Variants in DDR2 observed in about 807,000 individuals in gnomAD.
DDR2 encodes discoidin domain receptor tyrosine kinase 2.
A neutral mutation model predicts 94.9 loss-of-function variants in DDR2; 27 were observed. That is an observed-to-expected ratio of 0.28 (90% CI 0.21 to 0.39). The LOEUF (loss-of-function observed/expected upper bound fraction) is 0.39, where lower values mean the gene tolerates loss of function less well. Ranked by LOEUF, DDR2 falls within the 10% of genes least tolerant of loss-of-function variation. The probability of loss-of-function intolerance (pLI) is 1.00; values close to 1 mark genes in which losing one functional copy is unlikely to be tolerated. For synonymous variants in DDR2, 382 were observed against 377.2 expected (o/e 1.01, Z -0.15); for missense variants, 783 against 1,076.0 (o/e 0.73, Z 3.81).
chr1:162,731,182 T>C (rs778286814), intron 3 of DDR2, among the ~76,000 whole-genome samples: 5 of 152,228 alleles, frequency 3.3e-5, no homozygotes, highest in Non-Finnish European at 5.9e-5. Flanking sequence ...GAGATATTAA[T>C]AAAAAGTGAA....
intron 1 of DDR2, among the ~76,000 whole-genome samples, chr1:162,643,232 C>A (rs1657233395): frequency 6.6e-6 from 1 of 152,108 alleles, no homozygotes; most frequent in South Asian, 2.1e-4. Context: ...TTGAGCTACA[C>A]TGTGCCTTTC....
At chr1:162,741,204 C>CAATATAATATAATAT (rs1213689449) in intron 3 of DDR2, among the ~76,000 whole-genome samples, 8 of 50,344 alleles carry the variant, frequency 1.6e-4, no homozygotes, top group African/African-American at 3.5e-4. Flanking sequence ...TAATACAATA[C>CAATATAATATAATAT]AATACAATAT....
At chr1:162,689,842 T>TA (rs1158650637) in intron 2 of DDR2, among the ~76,000 whole-genome samples, 2 of 10,926 alleles carry the variant, frequency 1.8e-4, no homozygotes, top group African/African-American at 3.8e-4. Context: ...CATCTCTACT[T>TA]AAAAAAAAAA....
chr1:162,738,077 A>G (rs1662405992), intron 3 of DDR2, among the ~76,000 whole-genome samples: 1 of 150,430 alleles, frequency 6.6e-6, no homozygotes, highest in Admixed American at 6.6e-5. Flanking sequence ...CACCGCTCCT[A>G]TTCAACATTG....
At position 162,761,332 on chromosome 1, in the gene DDR2, A is replaced by G; in HGVS notation, c.977A>G (p.Asp326Gly). Residue 326 changes from aspartate to glycine, a missense_variant, in exon 9 of 18, where the codon GAC (aspartate) becomes GGC (glycine). Asp to Gly is a moderately conservative substitution (Grantham distance 94). This residue lies in a region of DDR2 where 519 missense variants were observed against 647.9 expected (regional missense o/e 0.80). Transcript: ENST00000367921. ...NAISFPLVLD[D>G]VNPSARFVTV... is the part of the protein sequence containing the mutation. ...ATTTCCTTCCCCCTTGTCCTGGATG[A>G]CGTCAACCCCAGTGCTCGGTTTGTC... The G allele has an allele frequency of 6.2e-7, 1 of 1,614,168 alleles. No individual in the cohort carries two copies. Among genetic ancestry groups the G allele is most frequent in the Non-Finnish European group, 8.5e-7 (1 of 1,180,024 alleles).
intron 12 of DDR2, 162 bp downstream of exon 12, chr1:162,770,674 G>A (rs1443982598): frequency 2.5e-6 from 2 of 788,720 alleles, no homozygotes; most frequent in Admixed American, 4.0e-5. Context: ...GCTGCTCCTG[G>A]CCTAATTTGA....
chr1:162,686,211 A>T (rs1015245758), intron 2 of DDR2, among the ~76,000 whole-genome samples: 33 of 142,706 alleles, frequency 2.3e-4, no homozygotes, highest in Middle Eastern at 3.7e-3. Flanking sequence ...TTTTTTTTTT[A>T]AATTTTATTT....
intron 2 of DDR2, among the ~76,000 whole-genome samples, chr1:162,683,786 A>G (rs542336687): frequency 2.6e-5 from 4 of 152,282 alleles, no homozygotes; most frequent in African/African-American, 9.6e-5. Context: ...AAGACACAAT[A>G]TACTAAAGAT....
rs78480431 is a variant in DDR2 at position 162,709,799 on chromosome 1, A to G, written c.-27-9238A>G. ...GTCAGAGGTGAGAGTAAAAGATCCAAATGAAAAGCTAGAGATTGCTAGGGC... is the reference window on the plus strand; with the variant it reads ...GTCAGAGGTGAGAGTAAAAGATCCAGATGAAAAGCTAGAGATTGCTAGGGC... On this transcript the variant is annotated intron_variant, in intron 2 of 17. Transcript: ENST00000367921. Among the ~76,000 whole-genome samples the G allele has an allele frequency of 1.9e-3, 284 of 152,316 alleles. 5 individuals carry two copies. In the East Asian group the frequency reaches 0.034, roughly 18 times the overall value.
chr1:162,729,438 A>C (rs980844325), intron 3 of DDR2, among the ~76,000 whole-genome samples: 1 of 150,406 alleles, frequency 6.6e-6, no homozygotes. Flanking sequence ...GGACACATAC[A>C]CAGTAAAGTA....
intron 1 of DDR2, among the ~76,000 whole-genome samples, chr1:162,653,833 C>T (rs954994414): frequency 1.3e-5 from 2 of 152,110 alleles, no homozygotes; most frequent in Non-Finnish European, 2.9e-5. Flanking sequence ...AGCTGCATAC[C>T]TTGTTAGGAA....
intron 3 of DDR2, among the ~76,000 whole-genome samples, chr1:162,727,978 G>A (rs1024903497): frequency 3.0e-5 from 3 of 100,456 alleles, no homozygotes; most frequent in Non-Finnish European, 6.4e-5. Flanking sequence ...TATATATATA[G>A]ATATAATCAC....
At chr1:162,658,766 A>T (rs561462895) in intron 2 of DDR2, among the ~76,000 whole-genome samples, 5 of 150,778 alleles carry the variant, frequency 3.3e-5, no homozygotes, top group Non-Finnish European at 5.9e-5. Flanking sequence ...AGGTTGAGGC[A>T]TGGTAAGCCC....
intron 2 of DDR2, chr1:162,705,153 A>T (rs762949832): frequency 6.6e-6 from 1 of 152,226 alleles, no homozygotes; most frequent in Non-Finnish European, 1.5e-5. Flanking sequence ...TGGTTCCTGT[A>T]GCCTCAGGCT....
chr1:162,630,948 T>C (rs1656528174), upstream of DDR2, among the ~76,000 whole-genome samples: 3 of 152,218 alleles, frequency 2.0e-5, no homozygotes, highest in Admixed American at 6.5e-5. Flanking sequence ...TCTTTTCTCT[T>C]CATAAACTAA....
At chr1:162,779,500 C>T (rs1310684029) in intron 17 of DDR2, among the ~76,000 whole-genome samples, 1 of 152,098 alleles carries the variant, frequency 6.6e-6, no homozygotes, top group Non-Finnish European at 1.5e-5. Context: ...TCTTCTGTGG[C>T]TTGAACAGAT....
chr1:162,643,776 C>T (rs144883068), intron 1 of DDR2, among the ~76,000 whole-genome samples: 141 of 152,206 alleles, frequency 9.3e-4, no homozygotes, highest in African/African-American at 3.2e-3. Context: ...CCACTGCACC[C>T]GGCCAGAAGA....
chr1:162,676,719 T>C (rs1229968330), intron 2 of DDR2, among the ~76,000 whole-genome samples: 2 of 152,206 alleles, frequency 1.3e-5, no homozygotes, highest in Non-Finnish European at 2.9e-5. Flanking sequence ...GCAATGTTTT[T>C]AAAAGTCCCT....
intron 2 of DDR2, among the ~76,000 whole-genome samples, chr1:162,681,786 T>A (rs1659416852): frequency 6.6e-6 from 1 of 152,186 alleles, no homozygotes; most frequent in African/African-American, 2.4e-5. Flanking sequence ...ATGCCATGAC[T>A]TTGGGGGTCA....
Sources: gnomAD v4.1 joint callset for allele counts (sites outside exome capture counted in the v4.1 genomes callset) on GRCh38, gnomAD v4.1.1 for gene constraint, gnomAD v4.1.1 regional missense constraint, MANE v1.5 for transcripts, NCBI Gene and HGNC (gene_info 2026-07-23, HGNC 2026-07-21) for gene names.